CTNNA3: variants seen among roughly 807,000 people sequenced by gnomAD.
The protein encoded by CTNNA3 is catenin alpha 3.
A neutral mutation model predicts 95.7 loss-of-function variants in CTNNA3; 76 were observed. The ratio of observed to expected loss-of-function variants is 0.79; its 90% CI spans 0.66 to 0.96. The LOEUF is 0.96. Ranked by LOEUF, CTNNA3 falls within the 40% of genes least tolerant of loss-of-function variation. CTNNA3 has a pLI of 0.00. For synonymous variants in CTNNA3, 431 were observed against 374.4 expected (o/e 1.15, Z -1.74); for missense variants, 1,191 against 1,089.8 (o/e 1.09, Z -1.31).
chr10:67,028,013 A>G (rs1853496539), intron 7 of CTNNA3, among the ~76,000 whole-genome samples: 1 of 152,176 alleles, frequency 6.6e-6, no homozygotes. Context: ...AGCTGGTATT[A>G]ACTGTATTTC....
chr10:66,945,643 A>C (rs531522285), intron 7 of CTNNA3, among the ~76,000 whole-genome samples: 1 of 152,258 alleles, frequency 6.6e-6, no homozygotes, highest in East Asian at 1.9e-4. Flanking sequence ...TTGGCTAGCT[A>C]TTTGGCAAAA....
chr10:67,559,087 A>C (rs1306708655), intron 3 of CTNNA3, among the ~76,000 whole-genome samples: 1 of 152,234 alleles, frequency 6.6e-6, no homozygotes, highest in Non-Finnish European at 1.5e-5. Context: ...AGACAGCAGT[A>C]ACCTCTGCAG....
chr10:66,097,555 G>T (rs1341906260), intron 14 of CTNNA3, among the ~76,000 whole-genome samples: 2 of 152,094 alleles, frequency 1.3e-5, no homozygotes, highest in Non-Finnish European at 2.9e-5. Context: ...GACAGTAATT[G>T]GTGGAACTGA....
chr10:66,736,053 C>G (rs1204081894), intron 9 of CTNNA3, among the ~76,000 whole-genome samples: 2 of 152,190 alleles, frequency 1.3e-5, no homozygotes, highest in Non-Finnish European at 2.9e-5. Flanking sequence ...ATCAGTCCAA[C>G]CTGCAGAGTG....
intron 7 of CTNNA3, among the ~76,000 whole-genome samples, chr10:66,934,973 G>A (rs1847613532): frequency 5.3e-5 from 8 of 152,110 alleles, no homozygotes; most frequent in Admixed American, 5.2e-4. Flanking sequence ...AATGTCATCA[G>A]ACAGTGAAGC....
At chr10:67,385,993 A>C (rs1278208927) in intron 5 of CTNNA3, among the ~76,000 whole-genome samples, 2 of 152,172 alleles carry the variant, frequency 1.3e-5, no homozygotes, top group African/African-American at 4.8e-5. Flanking sequence ...AATATACAAA[A>C]TGGAAATACC....
At chr10:66,861,925 G>A (rs1366609271) in intron 7 of CTNNA3, among the ~76,000 whole-genome samples, 2 of 152,136 alleles carry the variant, frequency 1.3e-5, no homozygotes, top group Admixed American at 1.3e-4. Context: ...TAGAAGTTTG[G>A]TGATGTTAGC....
chr10:67,593,493 C>T (rs1842844114), intron 3 of CTNNA3, among the ~76,000 whole-genome samples: 1 of 152,018 alleles, frequency 6.6e-6, no homozygotes, highest in South Asian at 2.1e-4. Flanking sequence ...TAGCTGTATT[C>T]CTAGGTATTT....
At chr10:67,120,241 T>C (rs2131990904) in intron 7 of CTNNA3, among the ~76,000 whole-genome samples, 1 of 152,110 alleles carries the variant, frequency 6.6e-6, no homozygotes, top group Middle Eastern at 3.4e-3. Context: ...CATTGTGTAT[T>C]ATATTTCTAC....
intron 3 of CTNNA3, among the ~76,000 whole-genome samples, chr10:67,576,438 A>G (rs1842147711): frequency 6.6e-6 from 1 of 152,040 alleles, no homozygotes; most frequent in Non-Finnish European, 1.5e-5. Flanking sequence ...CCCCTCTACT[A>G]TAATTGTTGT....
chr10:67,041,201 C>CA (rs1443740679), intron 7 of CTNNA3, among the ~76,000 whole-genome samples: 3 of 152,030 alleles, frequency 2.0e-5, no homozygotes, highest in African/African-American at 7.2e-5. Context: ...TGAAGAAAAT[C>CA]AAACTTGTCA....
At chr10:66,054,274 T>A (rs2080026866) in intron 15 of CTNNA3, among the ~76,000 whole-genome samples, 1 of 152,156 alleles carries the variant, frequency 6.6e-6, no homozygotes, top group Non-Finnish European at 1.5e-5. Context: ...ACATGGAAGT[T>A]CTAATTTTAG....
rs560120690 is a variant in CTNNA3, at chr10:67,666,659, C to T, written c.-5-19141G>A. On this transcript the variant is annotated intron_variant, in intron 1 of 17. Coordinates refer to ENST00000433211, the MANE Select transcript of CTNNA3 (RefSeq NM_013266.4). ...GGTATTATTAGATTCTGAAAGCCCA[C>T]ATATTGCACCCAATGACATGTATTT... is the stretch of plus-strand genomic sequence containing the variant. Among the ~76,000 whole-genome samples the T allele has an allele frequency of 6.6e-5, 10 of 152,280 alleles. No homozygotes were observed. The South Asian group carries it at 1.7e-3, about 25-fold the overall frequency.
chr10:66,387,961 G>C (rs1303606041), intron 11 of CTNNA3, among the ~76,000 whole-genome samples: 1 of 152,056 alleles, frequency 6.6e-6, no homozygotes, highest in Non-Finnish European at 1.5e-5. Flanking sequence ...GGAGGGCTGG[G>C]GGAGGGATAA....
rs2133326152 is a variant in CTNNA3, at chr10:65,988,790, C to T, written c.2167G>A (p.Gly723Arg). 2 of 1,611,736 alleles carry T rather than the reference C, an allele frequency of 1.2e-6. No individual in the cohort carries two copies. Among genetic ancestry groups the T allele is most frequent in the Non-Finnish European group, 1.7e-6 (2 of 1,178,686 alleles). The change falls in exon 16 of 18, where the codon GGA (glycine) becomes AGA (arginine). Residue 723 changes from glycine (G) to arginine (R), a missense_variant. Transcript: ENST00000433211. Reference sequence around the variant, plus strand: ...ACATCAGTTGTATGCTTTAGTGGTCCTTTGCCCCTGGAAAAAAATTTATAT... The same window carrying T: ...ACATCAGTTGTATGCTTTAGTGGTCTTTTGCCCCTGGAAAAAAATTTATAT... Reference protein sequence around the residue: ...MEMTDFTRGKGPLKHTTDVIY... With the variant: ...MEMTDFTRGKRPLKHTTDVIY...
chr10:67,738,441 G>T (rs959157300), intron 1 of CTNNA3, among the ~76,000 whole-genome samples: 2 of 152,112 alleles, frequency 1.3e-5, no homozygotes, highest in South Asian at 4.1e-4. Context: ...CCATCTGTAC[G>T]TCACCATCAT....
chr10:67,279,616 G>A (rs375477165), intron 5 of CTNNA3, among the ~76,000 whole-genome samples: 1 of 150,934 alleles, frequency 6.6e-6, no homozygotes, highest in Non-Finnish European at 1.5e-5. Flanking sequence ...ATGTAGCTAC[G>A]GGGAGATATT....
intron 10 of CTNNA3, among the ~76,000 whole-genome samples, chr10:66,583,439 A>G (rs1264184658): frequency 6.6e-6 from 1 of 151,700 alleles, no homozygotes; most frequent in Non-Finnish European, 1.5e-5. Flanking sequence ...GAATTAATTC[A>G]TTTCCTCTAA....
intron 13 of CTNNA3, among the ~76,000 whole-genome samples, chr10:66,170,239 G>GTGT (rs1470571625): frequency 1.5e-5 from 1 of 67,632 alleles, no homozygotes; most frequent in African/African-American, 6.4e-5. Context: ...CCTCCTCATT[G>GTGT]TCTTTTTTTT....
Sources: gnomAD v4.1 joint callset for allele counts (sites outside exome capture counted in the v4.1 genomes callset) on GRCh38, gnomAD v4.1.1 for gene constraint, MANE v1.5 for transcripts, NCBI Gene and HGNC (gene_info 2026-07-23, HGNC 2026-07-21) for gene names.